DNAH3: variants seen among roughly 807,000 people sequenced by gnomAD.
The protein encoded by DNAH3 is axonemal beta dynein heavy chain 3.
In DNAH3, 332 loss-of-function variants were observed where a neutral mutation model predicts 432.5. The observed-to-expected ratio is 0.77, with a 90% CI of 0.70 to 0.84. The LOEUF is 0.84. DNAH3 is among the 40% of genes least tolerant of loss of function. The pLI, the probability that DNAH3 is intolerant of heterozygous loss-of-function variation, is 0.00. For synonymous variants in DNAH3, 1,956 were observed against 1,900.2 expected (o/e 1.03, Z -0.76); for missense variants, 4,861 against 5,114.0 (o/e 0.95, Z 1.51).
exon 53 of DNAH3, chr16:20,965,401 C>T: frequency 6.6e-7 from 1 of 1,526,200 alleles, no homozygotes; most frequent in South Asian, 1.3e-5. Flanking sequence ...TTTGGATACC[C>T]CCCAGTAATC....
At chr16:20,963,812 A>G in exon 53 of DNAH3, 1 of 1,614,048 alleles carries the variant, frequency 6.2e-7, no homozygotes, top group South Asian at 1.1e-5. Flanking sequence ...ACGTTGTTGT[A>G]GATGCTCAGG....
chr16:21,100,924 A>G (rs1449369201), intron 16 of DNAH3, among the ~76,000 whole-genome samples: 1 of 152,158 alleles, frequency 6.6e-6, no homozygotes, highest in Non-Finnish European at 1.5e-5. Context: ...TTAAAATATT[A>G]CTATTATTAT....
intron 1 of DNAH3, among the ~76,000 whole-genome samples, chr16:21,146,732 C>T (rs1300587120): frequency 6.6e-6 from 1 of 151,528 alleles, no homozygotes; most frequent in Admixed American, 6.6e-5. Flanking sequence ...ACCATCTCCC[C>T]AACCCTTCCA....
intron 24 of DNAH3, among the ~76,000 whole-genome samples, chr16:21,066,503 G>A (rs191416330): frequency 6.6e-6 from 1 of 152,206 alleles, no homozygotes; most frequent in East Asian, 1.9e-4. Context: ...GAGTAGCTGG[G>A]ACCATGGGCA....
In DNAH3 at chr16:21,081,643, C is replaced by T. The variant is rs139309046; in HGVS notation, c.2962G>A (p.Val988Ile). 19 of 1,613,278 alleles carry T rather than the reference C, an allele frequency of 1.2e-5. No homozygotes were observed. In the African/African-American group the frequency reaches 1.2e-4, roughly 10 times the overall value. Residue 988 changes from valine (V) to isoleucine (I), a missense_variant, in exon 20 of 62, where the codon GTT becomes ATT. Val to Ile is a conservative substitution (Grantham distance 29). Transcript: ENST00000261383. ...GAGGGGATAAGCCCTTACTTTTCAA[C>T]GAATTTGCCGAATCCAAATTCGAGC... is the stretch of plus-strand genomic sequence containing the variant.
chr16:21,019,150 A>G (rs1013220999), intron 41 of DNAH3: 2 of 84,002 alleles, frequency 2.4e-5, no homozygotes, highest in Admixed American at 3.2e-4. Flanking sequence ...GGCCAACTCT[A>G]TTTTTTTTTT....
intron 20 of DNAH3, 97 bp downstream of exon 20, chr16:21,081,539 A>C: frequency 1.0e-6 from 1 of 1,003,722 alleles, no homozygotes; most frequent in Non-Finnish European, 1.5e-6. Flanking sequence ...ACAAGGAAAA[A>C]AAAACAAACA....
rs752045047 is a variant in DNAH3, at chr16:21,070,750, C to T, written c.3161G>A (p.Cys1054Tyr). 6.2e-6 allele frequency: 10 copies of T among 1,613,434 alleles called. No homozygotes were observed. The South Asian group carries it at 1.1e-4, about 18-fold the overall frequency. The change falls in exon 22 of 62, where the codon TGT becomes TAT. Residue 1054 changes from cysteine (C) to tyrosine (Y), a missense_variant. Cys to Tyr is a radical substitution (Grantham distance 194, BLOSUM62 -2). Transcript: ENST00000261383. ...TATTGGTTTGATGAATGGGGAGCCA[C>T]ACATGGTCTGGGTCTTTATCACGTG...
chr16:21,034,032 C>T (rs1941132636), exon 36 of DNAH3: 3 of 1,613,752 alleles, frequency 1.9e-6, no homozygotes, highest in Admixed American at 1.7e-5. Flanking sequence ...TCTTGCCGCC[C>T]ATGGGGTCTC....
Position 21,049,743 on chromosome 16 carries a change from C to T in DNAH3, c.4348-61G>A, listed in dbSNP as rs187259835. On this transcript the variant is annotated intron_variant, in intron 30 of 61. Transcript: ENST00000261383. The stretch of plus-strand genomic sequence containing the variant: ...GGATTCCATCCCATCTGAATTACCC[C>T]GCACCATTCAACAGCAGTGGGCTCC... 3.1e-3 allele frequency: 4,715 copies of T among 1,507,378 alleles called. 110 individuals are homozygous for T. In the South Asian group the frequency reaches 0.04, roughly 13 times the overall value. The allele number at this position is 1,507,378 out of a possible 1,614,324, so 93.4% of individuals were successfully genotyped here.
At chr16:21,127,782 T>C (rs1228639213) in exon 8 of DNAH3, 7 of 1,614,174 alleles carry the variant, frequency 4.3e-6, no homozygotes, top group Non-Finnish European at 5.9e-6. Flanking sequence ...CTAGTATTTC[T>C]GCTGTTCGAA....
intron 20 of DNAH3, among the ~76,000 whole-genome samples, chr16:21,075,837 G>A (rs369713474): frequency 2.7e-5 from 4 of 149,944 alleles, no homozygotes; most frequent in Admixed American, 1.3e-4. Flanking sequence ...CTGAGCCTGG[G>A]AGGTAGAGGC....
exon 21 of DNAH3, chr16:21,075,550 A>C: frequency 6.2e-7 from 1 of 1,613,334 alleles, no homozygotes; most frequent in Non-Finnish European, 8.5e-7. Context: ...AGCTGCACCA[A>C]TGGGCTCCAA....
At chr16:21,124,794 C>G (rs977512462) in intron 9 of DNAH3, among the ~76,000 whole-genome samples, 1 of 152,124 alleles carries the variant, frequency 6.6e-6, no homozygotes, top group Non-Finnish European at 1.5e-5. Flanking sequence ...GGACTACAGG[C>G]ATCCGCCACC....
At chr16:20,974,949 G>A (rs2085514771) in intron 51 of DNAH3, among the ~76,000 whole-genome samples, 1 of 147,904 alleles carries the variant, frequency 6.8e-6, no homozygotes, top group South Asian at 2.1e-4. Context: ...TTCCTGAGTA[G>A]CTCGGATTAC....
intron 17 of DNAH3, 104 bp downstream of exon 17, chr16:21,098,512 C>A: frequency 6.7e-6 from 7 of 1,049,680 alleles, no homozygotes; most frequent in Non-Finnish European, 9.3e-6. Context: ...TTAACCAATA[C>A]TATCCACCTA....
At chr16:20,950,543 T>C (rs1479707860) in intron 56 of DNAH3, among the ~76,000 whole-genome samples, 1 of 152,164 alleles carries the variant, frequency 6.6e-6, no homozygotes, top group African/African-American at 2.4e-5. Context: ...AATGGGGTTA[T>C]TAACATGGAG....
exon 11 of DNAH3, chr16:21,120,770 T>C (rs2092320157): frequency 6.2e-7 from 1 of 1,614,176 alleles, no homozygotes; most frequent in African/African-American, 1.3e-5. Context: ...GCGTGCATGC[T>C]GGGCTCTCCT....
intron 52 of DNAH3, among the ~76,000 whole-genome samples, chr16:20,966,012 C>A (rs561992192): frequency 9.8e-6 from 1 of 101,880 alleles, no homozygotes; most frequent in South Asian, 3.3e-4. Flanking sequence ...CATGCCCAGC[C>A]AATTTTTTTT....
Sources: allele counts gnomAD v4.1 joint callset (sites outside exome capture counted in the v4.1 genomes callset), GRCh38; gene constraint gnomAD v4.1.1; transcripts MANE v1.5; gene names NCBI Gene and HGNC (gene_info 2026-07-23, HGNC 2026-07-21).